The following YES1 variants were observed in gnomAD, a reference collection of about 807,000 sequenced individuals.
The protein encoded by YES1 is YES proto-oncogene 1, Src family tyrosine kinase.
A neutral mutation model predicts 70.4 loss-of-function variants in YES1; 39 were observed. That is an observed-to-expected ratio of 0.55 (90% confidence interval 0.43 to 0.72). The LOEUF (loss-of-function observed/expected upper bound fraction) is 0.72, where lower values mean the gene tolerates loss of function less well. YES1 is among the 30% of genes least tolerant of loss of function. The probability of loss-of-function intolerance (pLI) is 0.00; values close to 1 mark genes in which losing one functional copy is unlikely to be tolerated. For missense variants in YES1, 495 were observed against 644.8 expected, an observed-to-expected ratio of 0.77 and a Z score of 2.52; for synonymous variants, 198 against 218.6, an observed-to-expected ratio of 0.91 and a Z score of 0.83.
At chr18:780,171 GC>G (rs1905588776) in intron 1 of YES1, among the ~76,000 whole-genome samples, 2 of 152,258 alleles carry the variant, frequency 1.3e-5, no homozygotes, top group Non-Finnish European at 1.5e-5. Flanking sequence ...GTCACAGTTA[GC>G]CAAGATCATG....
intron 1 of YES1, among the ~76,000 whole-genome samples, chr18:762,874 T>TAC (rs1359629224): frequency 2.6e-5 from 4 of 152,212 alleles, no homozygotes. Flanking sequence ...TACAACACTG[T>TAC]ACAATGTGAA....
chr18:784,129 C>T (rs1249463865), intron 1 of YES1, among the ~76,000 whole-genome samples: 1 of 152,012 alleles, frequency 6.6e-6, no homozygotes, highest in East Asian at 1.9e-4. Context: ...TTTAAATGTC[C>T]ATGGGACAGT....
At chr18:783,337 C>T (rs115332724) in intron 1 of YES1, among the ~76,000 whole-genome samples, 2,493 of 152,198 alleles carry the variant, frequency 0.016, 64 homozygotes, top group African/African-American at 0.057. Flanking sequence ...TAAATGTCTT[C>T]TCAAAATCTT....
intron 1 of YES1, among the ~76,000 whole-genome samples, chr18:772,724 G>A (rs1470803706): frequency 3.3e-5 from 5 of 152,074 alleles, no homozygotes; most frequent in East Asian, 1.9e-4. Context: ...GAGGCACCAC[G>A]CCCGGCCAGC....
chr18:751,511 T>C (rs1282761528), intron 3 of YES1, among the ~76,000 whole-genome samples, 194 bp downstream of exon 3: 2 of 152,186 alleles, frequency 1.3e-5, no homozygotes, highest in African/African-American at 4.8e-5. Context: ...GCAGCACAAA[T>C]TGTAGAAGTA....
Position 722,840 on chromosome 18 carries a change from C to T in YES1, c.*1584G>A, listed in dbSNP as rs1275007606. The T allele has an allele frequency of 6.6e-6, 1 of 152,210 alleles. No homozygotes were observed. The highest frequency in any genetic ancestry group is 1.5e-5 in the Non-Finnish European group (1 of 68,064). The allele number at this position is 152,210 out of a possible 1,614,324, so 9.4% of individuals were successfully genotyped here. On this transcript the variant is annotated 3_prime_UTR_variant, in exon 12 of 12. Transcript: ENST00000314574. ...GGGCGCGGTGGCTCACGCCTGTAAT[C>T]CCAGCACTTTGGGAGGCCGAGGCGG...
chr18:783,768 C>T (rs1038250143), intron 1 of YES1, among the ~76,000 whole-genome samples: 6 of 152,064 alleles, frequency 3.9e-5, no homozygotes, highest in African/African-American at 1.2e-4. Context: ...GGCGCTGCCA[C>T]CATGCCCAGC....
chr18:734,320 C>T (rs931269157), intron 10 of YES1, among the ~76,000 whole-genome samples: 5 of 151,342 alleles, frequency 3.3e-5, no homozygotes, highest in African/African-American at 9.7e-5. Context: ...TTTGGGAGGC[C>T]GAGGTGGGCG....
chr18:810,804 T>C (rs565669065), intron 1 of YES1, among the ~76,000 whole-genome samples: 51 of 152,320 alleles, frequency 3.3e-4, no homozygotes, highest in African/African-American at 1.2e-3. Flanking sequence ...CAAAAAACCA[T>C]ATATATTATT....
intron 1 of YES1, among the ~76,000 whole-genome samples, chr18:793,043 GTT>G (rs761477770): frequency 1.0e-4 from 14 of 136,798 alleles, no homozygotes; most frequent in African/African-American, 1.6e-4. Context: ...ATTATTATTG[GTT>G]TTTTTTTTTT....
chr18:805,829 TCCTCACCTCACC>T (rs1258406257), intron 1 of YES1, among the ~76,000 whole-genome samples: 1 of 152,080 alleles, frequency 6.6e-6, no homozygotes, highest in Non-Finnish European at 1.5e-5. Flanking sequence ...ACCACCAACT[TCCTCACCTCACC>T]CCAATTTCTA....
At chr18:739,441 A>ATAATT (rs1279960914) in intron 9 of YES1, 1 of 224,178 alleles carries the variant, frequency 4.5e-6, no homozygotes, top group Non-Finnish European at 8.6e-6. Context: ...TACAAAAAAA[A>ATAATT]TAATTTTTTA....
Position 751,806 on chromosome 18 carries a change from TATCA to T in YES1, c.272-6_272-3del, listed in dbSNP as rs542657377. 288 of 1,546,540 alleles carry T rather than the reference TATCA, an allele frequency of 1.9e-4. 2 individuals are homozygous for T. The African/African-American group carries it at 3.6e-3, about 19-fold the overall frequency. ...AGGCCACAAATATAGTAACACCACC[TATCA>T]GAGGGAAAAAAGACCAAGGTAAATT... On this transcript the variant is annotated splice_polypyrimidine_tract_variant and splice_region_variant and intron_variant, in intron 2 of 11. Coordinates refer to ENST00000314574, the MANE Select transcript of YES1 (RefSeq NM_005433.4).
chr18:755,309 C>T (rs554619567), intron 2 of YES1, among the ~76,000 whole-genome samples: 18 of 150,914 alleles, frequency 1.2e-4, no homozygotes, highest in Non-Finnish European at 2.5e-4. Context: ...AATGCAGTGG[C>T]GCAATCTTGG....
At position 792,527 on chromosome 18, in the gene YES1, A is replaced by ATCTCTCTCTCTCTC. The variant is rs374164158; in HGVS notation, c.-9+19573_-9+19586dup. ...AGCCTCAGAAACACACTGAGACTCC[A>ATCTCTCTCTCTCTC]TCTCTCTCTCTCTCTCTCTCTCTCT... On this transcript the variant is annotated intron_variant, in intron 1 of 11. Transcript: ENST00000314574. Among the ~76,000 whole-genome samples, 8 of 115,352 alleles carry ATCTCTCTCTCTCTC rather than the reference A, an allele frequency of 6.9e-5. No homozygotes were observed. The South Asian group carries it at 1.2e-3, about 17-fold the overall frequency. The allele number at this position is 115,352 out of a possible 152,430, so 75.7% of individuals were successfully genotyped here. A position where few individuals can be genotyped will look rare whatever the true frequency, so the allele number is the denominator to read the frequency against.
Position 732,891 on chromosome 18 carries a change from A to G in YES1, c.1366T>C (p.Trp456Arg). 6.2e-7 allele frequency: 1 copy of G among 1,614,242 alleles called. No homozygotes were observed. Among genetic ancestry groups the G allele is most frequent in the Non-Finnish European group, 8.5e-7 (1 of 1,180,040 alleles). ...TCTGTTTGCAGAATTCCAAATGACC[A>G]GACATCAGACTTTATTGTAAACCGA... ...YGRFTIKSDVWSFGILQTELV... is the reference protein window; with the variant it reads ...YGRFTIKSDVRSFGILQTELV... The change falls in exon 11 of 12, where the codon TGG (tryptophan) becomes CGG (arginine). Residue 456 changes from tryptophan to arginine, a missense_variant. By Grantham distance (101) the Trp-to-Arg change is moderately radical. Transcript: ENST00000314574.
rs908802955 is a variant in YES1 at position 721,710 on chromosome 18, C to T, written c.*2714G>A. Reference sequence around the variant, plus strand: ...TCAGAATATATCAGTTTTTAAAAAACGAATGAGAATATGAATAGCAACTAA... The same window carrying T: ...TCAGAATATATCAGTTTTTAAAAAATGAATGAGAATATGAATAGCAACTAA... On this transcript the variant is annotated 3_prime_UTR_variant, in exon 12 of 12. Coordinates refer to ENST00000314574, the MANE Select transcript of YES1 (RefSeq NM_005433.4). The T allele has an allele frequency of 1.6e-4, 25 of 151,988 alleles. No homozygotes were observed. Among genetic ancestry groups the T allele is most frequent in the Admixed American group, 1.4e-3 (21 of 15,262 alleles). 9.4% of individuals were successfully genotyped at this position (151,988 alleles called of 1,614,324 possible). A position where few individuals can be genotyped will look rare whatever the true frequency, so the allele number is the denominator to read the frequency against.
chr18:725,347 G>T (rs761166206), intron 11 of YES1, among the ~76,000 whole-genome samples: 1 of 151,966 alleles, frequency 6.6e-6, no homozygotes, highest in African/African-American at 2.4e-5. Context: ...GCCATCCCTT[G>T]TATCTCTTGG....
At chr18:769,154 T>C (rs28806909) in intron 1 of YES1, among the ~76,000 whole-genome samples, 264 of 152,224 alleles carry the variant, frequency 1.7e-3, no homozygotes, top group African/African-American at 6.2e-3. Flanking sequence ...ACCATCTAGG[T>C]TTATGTAAGC....
Sources: gnomAD v4.1 joint callset for allele counts (sites outside exome capture counted in the v4.1 genomes callset) on GRCh38, gnomAD v4.1.1 for gene constraint, MANE v1.5 for transcripts, NCBI Gene and HGNC (gene_info 2026-07-23, HGNC 2026-07-21) for gene names.